SYT9: variants seen among roughly 807,000 people sequenced by gnomAD.
SYT9 encodes the protein synaptotagmin 9.
A neutral mutation model predicts 48.4 loss-of-function variants in SYT9; 22 were observed. The observed-to-expected ratio is 0.45, with a 90% CI of 0.32 to 0.65. The LOEUF is 0.65. Among genes scored for constraint, SYT9 ranks in the 30% least tolerant of loss-of-function variants. SYT9 has a pLI of 0.03. For missense variants in SYT9, 577 were observed against 622.0 expected, an observed-to-expected ratio of 0.93 and a Z score of 0.77; for synonymous variants, 265 against 245.0, an observed-to-expected ratio of 1.08 and a Z score of -0.76.
intron 3 of SYT9, among the ~76,000 whole-genome samples, chr11:7,333,649 A>T (rs1329388877): frequency 6.6e-6 from 1 of 152,226 alleles, no homozygotes; most frequent in Non-Finnish European, 1.5e-5. Context: ...AGACCTAAAT[A>T]GCTATAGGAC....
At chr11:7,275,215 T>C (rs1038655340) in intron 1 of SYT9, among the ~76,000 whole-genome samples, 5 of 151,698 alleles carry the variant, frequency 3.3e-5, no homozygotes, top group African/African-American at 1.2e-4. Flanking sequence ...GTAGTTATTC[T>C]CTCTACTACC....
intron 1 of SYT9, among the ~76,000 whole-genome samples, chr11:7,289,828 A>G (rs1319979245): frequency 6.6e-6 from 1 of 152,256 alleles, no homozygotes; most frequent in African/African-American, 2.4e-5. Flanking sequence ...AGTAAATGCC[A>G]ATTGCTATGC....
intron 3 of SYT9, among the ~76,000 whole-genome samples, chr11:7,356,431 G>A (rs538817397): frequency 3.9e-5 from 6 of 152,300 alleles, no homozygotes; most frequent in African/African-American, 1.2e-4. Context: ...TGCCTGGCTT[G>A]GGGGCTTTGC....
chr11:7,329,613 A>G (rs1408159638), intron 3 of SYT9, among the ~76,000 whole-genome samples: 2 of 152,196 alleles, frequency 1.3e-5, no homozygotes, highest in African/African-American at 2.4e-5. Flanking sequence ...AGTCATCCCA[A>G]TGTCTCCGCT....
chr11:7,417,166 TTG>T (rs35988633), intron 4 of SYT9, among the ~76,000 whole-genome samples: 35,250 of 151,320 alleles, frequency 0.23, 4,322 homozygotes, highest in Middle Eastern at 0.3. Context: ...CCCAGTGTTT[TTG>T]TTTTTTTAAG....
chr11:7,395,957 G>C (rs920071408), intron 3 of SYT9, among the ~76,000 whole-genome samples: 9 of 151,946 alleles, frequency 5.9e-5, no homozygotes, highest in Non-Finnish European at 8.8e-5. Context: ...ATGTGTTTTT[G>C]TGGTAACAGA....
chr11:7,361,192 T>G (rs1363114639), intron 3 of SYT9, among the ~76,000 whole-genome samples: 4 of 147,694 alleles, frequency 2.7e-5, no homozygotes, highest in African/African-American at 7.9e-5. Flanking sequence ...GACTTTTGCT[T>G]TTTGTTGCAG....
At chr11:7,276,775 C>T (rs1404083805) in intron 1 of SYT9, among the ~76,000 whole-genome samples, 1 of 152,140 alleles carries the variant, frequency 6.6e-6, no homozygotes, top group East Asian at 1.9e-4. Context: ...CAGCCAGGCA[C>T]AGTGGCACAT....
chr11:7,275,464 CA>C (rs1167226781), intron 1 of SYT9, among the ~76,000 whole-genome samples: 10 of 152,168 alleles, frequency 6.6e-5, no homozygotes, highest in Non-Finnish European at 1.0e-4. Context: ...CTTGAATTTG[CA>C]ACACCAAATC....
intron 6 of SYT9, chr11:7,428,191 T>G (rs1196800826): frequency 6.6e-6 from 1 of 152,220 alleles, no homozygotes; most frequent in East Asian, 1.9e-4. Context: ...GTATAAAAGA[T>G]AATGACAATG....
chr11:7,239,027 A>G (rs1456068128), intron 1 of SYT9: 4 of 436,986 alleles, frequency 9.2e-6, no homozygotes, highest in African/African-American at 8.1e-5. Flanking sequence ...GTCTGCTGAC[A>G]GAACATGGAT....
At chr11:7,392,635 G>A (rs901572278) in intron 3 of SYT9, among the ~76,000 whole-genome samples, 2 of 151,834 alleles carry the variant, frequency 1.3e-5, no homozygotes, top group South Asian at 4.2e-4. Context: ...TTCTAATTCT[G>A]TGAAAAATGA....
intron 6 of SYT9, among the ~76,000 whole-genome samples, chr11:7,460,299 A>G (rs1220826165): frequency 1.3e-5 from 2 of 152,218 alleles, no homozygotes; most frequent in African/African-American, 4.8e-5. Context: ...ACTTTTAAAC[A>G]CCAATTTTAC....
intron 3 of SYT9, among the ~76,000 whole-genome samples, chr11:7,355,486 C>A (rs184651900): frequency 1.6e-4 from 25 of 152,344 alleles, no homozygotes; most frequent in African/African-American, 6.0e-4. Flanking sequence ...ACTCAAATCT[C>A]ACCTTCTCCT....
At chr11:7,386,624 C>T (rs4628656) in intron 3 of SYT9, among the ~76,000 whole-genome samples, 52,303 of 151,918 alleles carry the variant, frequency 0.34, 9,751 homozygotes, top group Non-Finnish European at 0.42. Flanking sequence ...GTTAGAATGG[C>T]GATCATTAAA....
intron 3 of SYT9, among the ~76,000 whole-genome samples, chr11:7,386,158 GT>G (rs897140704): frequency 4.9e-4 from 74 of 151,656 alleles, no homozygotes; most frequent in Non-Finnish European, 9.7e-4. Flanking sequence ...TGTTTAACCT[GT>G]TTTTTTTCTG....
intron 3 of SYT9, among the ~76,000 whole-genome samples, chr11:7,338,768 G>A (rs575514830): frequency 5.3e-5 from 8 of 152,034 alleles, no homozygotes; most frequent in African/African-American, 9.6e-5. Context: ...ATGTCTGATC[G>A]TGTGCTCGAT....
At chr11:7,409,149 T>C (rs749429063) in intron 3 of SYT9, among the ~76,000 whole-genome samples, 7 of 152,238 alleles carry the variant, frequency 4.6e-5, no homozygotes, top group Non-Finnish European at 8.8e-5. Context: ...TCTGCATCTA[T>C]TGAGATGATC....
At chr11:7,244,119 C>T (rs555234532) in intron 1 of SYT9, among the ~76,000 whole-genome samples, 22 of 152,230 alleles carry the variant, frequency 1.4e-4, no homozygotes, top group African/African-American at 4.8e-4. Context: ...CCAGGCCCTC[C>T]GACCTGGAAC....
Sources: allele counts gnomAD v4.1 joint callset (sites outside exome capture counted in the v4.1 genomes callset), GRCh38; gene constraint gnomAD v4.1.1; transcripts MANE v1.5; gene names NCBI Gene and HGNC (gene_info 2026-07-23, HGNC 2026-07-21).